The following AGBL1 variants were observed in gnomAD, a reference collection of about 807,000 sequenced individuals.
AGBL1 encodes cytosolic carboxypeptidase 4.
In AGBL1, 130 loss-of-function variants were observed where a neutral mutation model predicts 118.9. The observed-to-expected ratio is 1.09, with a 90% CI of 0.95 to 1.26. The LOEUF is 1.26. Ranked by LOEUF, AGBL1 falls within the 50% of genes most tolerant of loss-of-function variation. The probability of loss-of-function intolerance (pLI) is 0.00; values close to 1 mark genes in which losing one functional copy is unlikely to be tolerated. For missense variants in AGBL1, 1,584 were observed against 1,298.1 expected (o/e 1.22, Z -3.38); for synonymous variants, 555 against 478.9 (o/e 1.16, Z -2.08).
chr15:86,759,086 C>A (rs1405330984), intron 22 of AGBL1, among the ~76,000 whole-genome samples: 4 of 151,458 alleles, frequency 2.6e-5, no homozygotes, highest in African/African-American at 9.7e-5. Flanking sequence ...TAAATTGTAT[C>A]TTCTTAATAT....
chr15:86,918,607 T>C (rs1007521147), downstream of AGBL1, among the ~76,000 whole-genome samples: 4 of 152,126 alleles, frequency 2.6e-5, no homozygotes, highest in Non-Finnish European at 5.9e-5. Context: ...AGTCAAGGCC[T>C]GTTTTCTCCC....
chr15:86,303,617 A>G (rs2079790060), intron 17 of AGBL1, among the ~76,000 whole-genome samples: 1 of 152,208 alleles, frequency 6.6e-6, no homozygotes, highest in South Asian at 2.1e-4. Context: ...CCAATATGCT[A>G]TAAAATATAC....
chr15:86,743,323 G>T (rs1436373217), intron 22 of AGBL1, among the ~76,000 whole-genome samples: 1 of 152,088 alleles, frequency 6.6e-6, no homozygotes, highest in Non-Finnish European at 1.5e-5. Context: ...CTCTAGGGGA[G>T]CCTAAGGGGG....
At chr15:86,475,908 G>A (rs2082552051) in intron 18 of AGBL1, among the ~76,000 whole-genome samples, 1 of 152,184 alleles carries the variant, frequency 6.6e-6, no homozygotes, top group African/African-American at 2.4e-5. Flanking sequence ...GAAGAGAGTG[G>A]GGGCCAATAT....
At chr15:86,303,726 A>G (rs1379705122) in intron 17 of AGBL1, among the ~76,000 whole-genome samples, 1 of 152,172 alleles carries the variant, frequency 6.6e-6, no homozygotes, top group Non-Finnish European at 1.5e-5. Flanking sequence ...CAGCAGAAAC[A>G]TGTAATATAT....
chr15:86,538,286 G>C (rs2083452334), intron 19 of AGBL1, among the ~76,000 whole-genome samples: 1 of 152,206 alleles, frequency 6.6e-6, no homozygotes, highest in South Asian at 2.1e-4. Flanking sequence ...AAAGGAAACA[G>C]AGCATAAAAT....
chr15:86,155,086 G>A (rs575801120), intron 4 of AGBL1, among the ~76,000 whole-genome samples: 29 of 152,108 alleles, frequency 1.9e-4, no homozygotes, highest in Non-Finnish European at 3.2e-4. Flanking sequence ...ATATTTATTT[G>A]CTATCTCTTG....
intron 18 of AGBL1, among the ~76,000 whole-genome samples, chr15:86,467,807 T>G (rs1458725488): frequency 2.6e-5 from 4 of 152,154 alleles, no homozygotes; most frequent in Non-Finnish European, 5.9e-5. Flanking sequence ...CTCCATGGGT[T>G]GCACCCACTG....
chr15:86,587,038 C>T (rs1454861906), intron 21 of AGBL1, among the ~76,000 whole-genome samples: 3 of 152,074 alleles, frequency 2.0e-5, no homozygotes, highest in Non-Finnish European at 4.4e-5. Context: ...TTCCTCAGTA[C>T]CTTTAAAGAG....
chr15:86,809,180 G>C (rs2078757019), intron 22 of AGBL1, among the ~76,000 whole-genome samples: 1 of 152,118 alleles, frequency 6.6e-6, no homozygotes, highest in Non-Finnish European at 1.5e-5. Flanking sequence ...TCCAAGATCT[G>C]TTTCACTGAG....
At chr15:86,758,302 CT>C (rs1194875559) in intron 22 of AGBL1, among the ~76,000 whole-genome samples, 2 of 152,052 alleles carry the variant, frequency 1.3e-5, no homozygotes, top group Non-Finnish European at 2.9e-5. Context: ...CTGAAAACTT[CT>C]TAACAGCTTT....
At chr15:86,168,638 A>G (rs913271236) in intron 5 of AGBL1, among the ~76,000 whole-genome samples, 3 of 152,208 alleles carry the variant, frequency 2.0e-5, no homozygotes, top group Admixed American at 1.3e-4. Flanking sequence ...ACACAAAAAT[A>G]GGTTAGGAAC....
intron 16 of AGBL1, among the ~76,000 whole-genome samples, chr15:86,284,071 G>T (rs2079400532): frequency 6.6e-6 from 1 of 151,526 alleles, no homozygotes; most frequent in African/African-American, 2.4e-5. Flanking sequence ...TCTACATCTT[G>T]TAAGCAATAC....
chr15:86,825,130 T>C (rs957707798), intron 22 of AGBL1, among the ~76,000 whole-genome samples: 2 of 151,776 alleles, frequency 1.3e-5, no homozygotes, highest in South Asian at 2.1e-4. Flanking sequence ...CGCAAATATA[T>C]TCAAAAGTTG....
At chr15:86,425,900 A>C (rs1336776270) in intron 18 of AGBL1, among the ~76,000 whole-genome samples, 1 of 152,132 alleles carries the variant, frequency 6.6e-6, no homozygotes, top group Non-Finnish European at 1.5e-5. Context: ...TTGTGGAGAG[A>C]TCTTTGTCCG....
chr15:86,750,697 T>A (rs1383718444), intron 22 of AGBL1, among the ~76,000 whole-genome samples: 1 of 152,062 alleles, frequency 6.6e-6, no homozygotes, highest in African/African-American at 2.4e-5. Context: ...TGTAGGTAAT[T>A]GTGTCATGGG....
chr15:86,171,449 A>C (rs906798580), intron 5 of AGBL1, among the ~76,000 whole-genome samples: 2 of 152,218 alleles, frequency 1.3e-5, no homozygotes, highest in Admixed American at 6.5e-5. Flanking sequence ...AGACTATGAT[A>C]ATTTGAAAAC....
chr15:86,708,823 G>A (rs1352774999), intron 22 of AGBL1, among the ~76,000 whole-genome samples: 1 of 152,072 alleles, frequency 6.6e-6, no homozygotes, highest in African/African-American at 2.4e-5. Flanking sequence ...TGACTTACTT[G>A]GTTCACAGCA....
intron 18 of AGBL1, among the ~76,000 whole-genome samples, chr15:86,517,327 GT>G (rs369861731): frequency 1.9e-4 from 29 of 152,318 alleles, no homozygotes; most frequent in African/African-American, 6.5e-4. Flanking sequence ...TTAGGATCTT[GT>G]TAAAATGCAG....
Sources: allele counts gnomAD v4.1 joint callset (sites outside exome capture counted in the v4.1 genomes callset), GRCh38; gene constraint gnomAD v4.1.1; transcripts MANE v1.5; gene names NCBI Gene and HGNC (gene_info 2026-07-23, HGNC 2026-07-21).